The following EDA variants were observed in gnomAD, a reference collection of about 807,000 sequenced individuals.
The protein encoded by EDA is ectodysplasin A.
EDA carries 2 observed loss-of-function variants against 23.6 expected under a neutral mutation model. That is an observed-to-expected ratio of 0.08 (90% CI 0.03 to 0.27). EDA has a LOEUF of 0.27. Among genes scored for constraint, EDA ranks in the 10% least tolerant of loss-of-function variants. The pLI is 1.00. For synonymous variants in EDA, 131 were observed against 132.0 expected (o/e 0.99, Z 0.05); for missense variants, 229 against 324.2 (o/e 0.71, Z 2.26).
chrX:69,938,934 G>C (rs1352517895), intron 1 of EDA, among the ~76,000 whole-genome samples: 1 of 111,447 alleles, frequency 9.0e-6, no homozygotes, highest in Non-Finnish European at 1.9e-5. Context: ...CCAGGGTTCT[G>C]TATTCTGTTC....
chrX:69,743,489 G>A (rs1431815275), intron 1 of EDA, among the ~76,000 whole-genome samples: 1 of 111,829 alleles, frequency 8.9e-6, no homozygotes, highest in Non-Finnish European at 1.9e-5. Flanking sequence ...TGTCAATCAC[G>A]AGCAAAATTA....
intron 1 of EDA, among the ~76,000 whole-genome samples, chrX:69,788,246 C>T (rs2015266883): frequency 8.9e-6 from 1 of 112,141 alleles, no homozygotes; most frequent in African/African-American, 3.2e-5. Flanking sequence ...AATTTCCTCC[C>T]GTAGCTCGGA....
intron 1 of EDA, among the ~76,000 whole-genome samples, chrX:69,883,182 T>C (rs2017776303): frequency 1.8e-5 from 2 of 112,188 alleles, no homozygotes; most frequent in Non-Finnish European, 3.8e-5. Context: ...CTATAACATA[T>C]CTCCTCAAAG....
intron 1 of EDA, among the ~76,000 whole-genome samples, chrX:69,835,756 T>C: frequency 8.9e-6 from 1 of 112,207 alleles, no homozygotes; most frequent in East Asian, 2.8e-4. Context: ...GTTCCGCTGC[T>C]GTTGAGGAGC....
At chrX:69,828,967 G>T (rs1452948183) in intron 1 of EDA, among the ~76,000 whole-genome samples, 3 of 111,889 alleles carry the variant, frequency 2.7e-5, no homozygotes, top group Non-Finnish European at 5.6e-5. Context: ...CATCTCAAAT[G>T]CCATCGTTTC....
intron 1 of EDA, among the ~76,000 whole-genome samples, chrX:69,642,723 A>G (rs1202611074): frequency 9.0e-6 from 1 of 111,591 alleles, no homozygotes; most frequent in African/African-American, 3.3e-5. Context: ...TCAAGTTTTG[A>G]AATATTACTA....
intron 3 of EDA, among the ~76,000 whole-genome samples, 164 bp from the exon 4 acceptor site, chrX:70,027,693 C>T (rs1466004864): frequency 9.0e-6 from 1 of 110,686 alleles, no homozygotes; most frequent in Non-Finnish European, 1.9e-5. Flanking sequence ...CGCGGTGGCA[C>T]GCGCCTGTAA....
chrX:69,900,239 G>A (rs1048893843), intron 1 of EDA, among the ~76,000 whole-genome samples: 1 of 108,928 alleles, frequency 9.2e-6, no homozygotes, highest in African/African-American at 3.3e-5. Context: ...AAACAGTCTA[G>A]ATTCAAATCC....
intron 1 of EDA, among the ~76,000 whole-genome samples, chrX:69,887,675 G>C (rs1201307607): frequency 8.9e-6 from 1 of 111,799 alleles, no homozygotes; most frequent in Non-Finnish European, 1.9e-5. Flanking sequence ...AGCATCAAGA[G>C]ATAAGAGATT....
At chrX:69,991,760 C>T (rs1482769451) in intron 2 of EDA, among the ~76,000 whole-genome samples, 1 of 111,912 alleles carries the variant, frequency 8.9e-6, no homozygotes, top group African/African-American at 3.3e-5. Context: ...CTTTGGAGGG[C>T]CAGGAGGCAC....
intron 1 of EDA, among the ~76,000 whole-genome samples, chrX:69,907,120 A>G (rs1175302968): frequency 1.8e-5 from 2 of 112,110 alleles, no homozygotes; most frequent in Non-Finnish European, 3.8e-5. Flanking sequence ...ATGGTTCCAC[A>G]TCTATTATAG....
chrX:69,648,914 C>G (rs185921715), intron 1 of EDA, among the ~76,000 whole-genome samples: 1 of 111,716 alleles, frequency 9.0e-6, no homozygotes, highest in East Asian at 2.8e-4. Flanking sequence ...ATCTCCTGAT[C>G]CATGGGTTGC....
intron 1 of EDA, among the ~76,000 whole-genome samples, chrX:69,943,222 T>C (rs2018787076): frequency 1.8e-5 from 2 of 111,647 alleles, no homozygotes; most frequent in Admixed American, 1.9e-4. Context: ...TGGTAAGGTC[T>C]TGATGCTTGT....
At chrX:69,670,183 GTTT>G (rs544601085) in intron 1 of EDA, 196 of 239,958 alleles carry the variant, frequency 8.2e-4, no homozygotes, top group South Asian at 1.4e-3. Flanking sequence ...TTGGCTGACT[GTTT>G]TTTTTTTTTT....
rs3138864 is a variant in EDA, at chrX:69,658,212, TTGTGTGTG to T, written c.396+41540_396+41547del. Reference sequence around the variant, plus strand: ...CTTGGTTAGCTGTACTCCTAGGTATTTGTGTGTGTGTGTGTGTGTGTGTGTGTGTGTGT... The same window carrying T: ...CTTGGTTAGCTGTACTCCTAGGTATTTGTGTGTGTGTGTGTGTGTGTGTGT... On this transcript the variant is annotated intron_variant, in intron 1 of 7. Coordinates refer to ENST00000374552, the MANE Select transcript of EDA (RefSeq NM_001399.5). Among the ~76,000 whole-genome samples, 45 of 90,902 alleles carry T rather than the reference TTGTGTGTG, an allele frequency of 5.0e-4. 1 individual carries two copies. The highest frequency in any genetic ancestry group is 1.6e-3 in the African/African-American group (38 of 23,981). 78.9% of individuals were successfully genotyped at this position (90,902 alleles called of 115,157 possible).
At chrX:69,662,625 A>G (rs965519555) in intron 1 of EDA, among the ~76,000 whole-genome samples, 1 of 112,424 alleles carries the variant, frequency 8.9e-6, no homozygotes, top group African/African-American at 3.2e-5. Context: ...AAGATACCCA[A>G]AAATGTGGAA....
At chrX:70,028,096 A>C in intron 4 of EDA, 60 bp downstream of exon 4, 12 of 1,171,348 alleles carry the variant, frequency 1.0e-5, no homozygotes, top group Non-Finnish European at 1.4e-5. Context: ...GGAGAGCAGG[A>C]GTGGGTGATC....
At chrX:69,737,299 A>G (rs767651449) in intron 1 of EDA, among the ~76,000 whole-genome samples, 4 of 111,564 alleles carry the variant, frequency 3.6e-5, no homozygotes, top group Admixed American at 2.9e-4. Context: ...TATTTGTTCT[A>G]TTTGCTCTCT....
At chrX:69,951,258 G>A (rs891118024) in intron 1 of EDA, among the ~76,000 whole-genome samples, 2 of 111,325 alleles carry the variant, frequency 1.8e-5, no homozygotes, top group African/African-American at 6.5e-5. Flanking sequence ...TGAGTACACA[G>A]TGTTCCTCCC....
Sources: allele counts gnomAD v4.1 joint callset (sites outside exome capture counted in the v4.1 genomes callset), GRCh38; gene constraint gnomAD v4.1.1; transcripts MANE v1.5; gene names NCBI Gene and HGNC (gene_info 2026-07-23, HGNC 2026-07-21).